The following SYNE2 variants were observed in gnomAD, a reference collection of about 807,000 sequenced individuals.
SYNE2 encodes spectrin repeat containing nuclear envelope protein 2, also known as nesprin-2.
Under a neutral mutation model 856.3 loss-of-function variants are expected in SYNE2, and 431 were observed. The ratio of observed to expected loss-of-function variants is 0.50; its 90% CI spans 0.47 to 0.55. The LOEUF (loss-of-function observed/expected upper bound fraction) is 0.55. Among genes scored for constraint, SYNE2 ranks in the 20% least tolerant of loss-of-function variants. The probability of loss-of-function intolerance (pLI) is 0.00; values close to 1 mark genes in which losing one functional copy is unlikely to be tolerated. For synonymous variants in SYNE2, 2,923 were observed against 2,872.3 expected (o/e 1.02, Z -0.56); for missense variants, 8,129 against 8,023.2 (o/e 1.01, Z -0.50).
chr14:63,789,480 A>AT (rs1887655003), intron 1 of SYNE2, among the ~76,000 whole-genome samples: 1 of 151,906 alleles, frequency 6.6e-6, no homozygotes, highest in Admixed American at 6.6e-5. Flanking sequence ...CTTGTATTTG[A>AT]TTTATCAGAA....
At chr14:64,139,381 A>AAAG (rs2098122651) in intron 79 of SYNE2, among the ~76,000 whole-genome samples, 1 of 151,432 alleles carries the variant, frequency 6.6e-6, no homozygotes, top group African/African-American at 2.4e-5. Flanking sequence ...ATAAGAAATA[A>AAAG]AGAATGCTTT....
intron 1 of SYNE2, among the ~76,000 whole-genome samples, chr14:63,787,280 C>T (rs757789592): frequency 6.2e-4 from 94 of 152,206 alleles, no homozygotes; most frequent in Non-Finnish European, 1.1e-3. Context: ...AAATCTAGAT[C>T]TTATTCCTTC....
At chr14:64,076,740 A>ATTTT (rs35509549) in intron 54 of SYNE2, among the ~76,000 whole-genome samples, 5 of 122,180 alleles carry the variant, frequency 4.1e-5, no homozygotes, top group African/African-American at 1.4e-4. Context: ...CCACAGAAGG[A>ATTTT]TTTTTTTTTT....
intron 17 of SYNE2, 89 bp downstream of exon 17, chr14:63,982,883 T>C: frequency 7.5e-7 from 1 of 1,330,160 alleles, no homozygotes; most frequent in Non-Finnish European, 1.1e-6. Context: ...CCAATTGATT[T>C]CTGGTATATG....
chr14:63,975,157 A>G (rs754363149), intron 11 of SYNE2, among the ~76,000 whole-genome samples: 26 of 151,628 alleles, frequency 1.7e-4, no homozygotes, highest in African/African-American at 6.3e-4. Flanking sequence ...TACACGACAC[A>G]TGGAGCTGGG....
At chr14:64,027,933 G>T in intron 43 of SYNE2, 140 bp downstream of exon 43, 2 of 747,818 alleles carry the variant, frequency 2.7e-6, no homozygotes, top group Non-Finnish European at 4.2e-6. Flanking sequence ...TTTGAGACAG[G>T]GTCTCACTCT....
At chr14:64,151,446 A>G (rs1192682061) in intron 84 of SYNE2, among the ~76,000 whole-genome samples, 1 of 97,316 alleles carries the variant, frequency 1.0e-5, no homozygotes, top group Admixed American at 1.0e-4. Flanking sequence ...AAAAAAAAAA[A>G]GCTGGGATCC....
intron 1 of SYNE2, among the ~76,000 whole-genome samples, chr14:63,794,877 T>G (rs996695337): frequency 1.1e-4 from 17 of 152,192 alleles, no homozygotes; most frequent in African/African-American, 4.1e-4. Context: ...CGTAAGTTTA[T>G]CATATGACCC....
chr14:64,084,726 A>G (rs2097547319), intron 57 of SYNE2: 7 of 486,626 alleles, frequency 1.4e-5, no homozygotes, highest in South Asian at 3.9e-5. Flanking sequence ...ATATTACTCC[A>G]TAAGTTAGCA....
chr14:64,100,893 G>A lies in SYNE2; in HGVS notation c.12382-1039G>A, dbSNP rs117555428. Among the ~76,000 whole-genome samples the A allele has an allele frequency of 4.0e-3, 610 of 151,332 alleles. 3 individuals carry two copies. Among genetic ancestry groups the A allele is most frequent in the Admixed American group, 6.2e-3 (94 of 15,200 alleles). ...TTTTTTACATTCCACATTAAAGGGA[G>A]ATGATGTGGTATGTGTCCTTCTGTG... On this transcript the variant is annotated intron_variant, in intron 63 of 115. Transcript: ENST00000555002.
At chr14:64,130,317 C>T in intron 76 of SYNE2, 69 bp downstream of exon 76, 1 of 1,302,398 alleles carries the variant, frequency 7.7e-7, no homozygotes, top group Non-Finnish European at 1.1e-6. Flanking sequence ...TGAATGTGAA[C>T]AGAAAGGATC....
intron 14 of SYNE2, among the ~76,000 whole-genome samples, chr14:63,980,103 C>G (rs2096574478): frequency 6.6e-6 from 1 of 152,062 alleles, no homozygotes. Context: ...CTTGAATTTT[C>G]ATTTTTCTAT....
At chr14:63,809,954 G>C (rs1038041754) in intron 1 of SYNE2, among the ~76,000 whole-genome samples, 10 of 152,178 alleles carry the variant, frequency 6.6e-5, no homozygotes, top group African/African-American at 2.4e-4. Flanking sequence ...CAGGTGTGGT[G>C]GCCCATGCCT....
intron 79 of SYNE2, among the ~76,000 whole-genome samples, chr14:64,139,157 A>G (rs1420313530): frequency 6.6e-6 from 1 of 151,482 alleles, no homozygotes; most frequent in Non-Finnish European, 1.5e-5. Context: ...TAATTTTTGT[A>G]TTTTTTGTAG....
rs182098205 is a variant in SYNE2, at chr14:64,192,746, A to C, written c.18038+2509A>C. On this transcript the variant is annotated intron_variant, in intron 99 of 115. Transcript: ENST00000555002. ...GCTTACCCACAGTTACATAGCCAGCATGTGACGTAACCAGGATTTCAACTT... is the reference window on the plus strand; with the variant it reads ...GCTTACCCACAGTTACATAGCCAGCCTGTGACGTAACCAGGATTTCAACTT... Among the ~76,000 whole-genome samples the C allele has an allele frequency of 1.4e-3, 213 of 152,336 alleles. 2 individuals are homozygous for C. The highest frequency in any genetic ancestry group is 7.7e-3 in the South Asian group (37 of 4,830).
chr14:63,828,964 A>C (rs1452697259), intron 1 of SYNE2, among the ~76,000 whole-genome samples: 3 of 152,144 alleles, frequency 2.0e-5, no homozygotes, highest in Non-Finnish European at 4.4e-5. Context: ...AACTCAACTG[A>C]AACTCCAATG....
intron 63 of SYNE2, 140 bp from the exon 64 acceptor site, chr14:64,101,791 AT>A (rs1195268852): frequency 4.5e-6 from 3 of 673,074 alleles, no homozygotes; most frequent in South Asian, 3.2e-5. Context: ...AGATAAAAAA[AT>A]GGGGGAGGAC....
intron 63 of SYNE2, 192 bp downstream of exon 63, chr14:64,099,013 G>T (rs1262072600): frequency 4.9e-6 from 3 of 608,376 alleles, no homozygotes; most frequent in Non-Finnish European, 8.8e-6. Context: ...CTGTGTAAGA[G>T]TGAGATGAAT....
At chr14:63,845,780 G>A (rs550918341) in intron 1 of SYNE2, among the ~76,000 whole-genome samples, 15 of 135,702 alleles carry the variant, frequency 1.1e-4, no homozygotes, top group Non-Finnish European at 1.5e-4. Context: ...TCACTATGTC[G>A]CCCAGGCTGC....
Sources: gnomAD v4.1 joint callset for allele counts (sites outside exome capture counted in the v4.1 genomes callset) on GRCh38, gnomAD v4.1.1 for gene constraint, MANE v1.5 for transcripts, NCBI Gene and HGNC (gene_info 2026-07-23, HGNC 2026-07-21) for gene names.